The following MYO1D variants were observed in gnomAD, a reference collection of about 807,000 sequenced individuals.
The protein encoded by MYO1D is unconventional myosin-Id.
In MYO1D, 83 loss-of-function variants were observed where a neutral mutation model predicts 122.0. That is an observed-to-expected ratio of 0.68 (90% confidence interval 0.57 to 0.82). The LOEUF is 0.82. MYO1D is among the 40% of genes least tolerant of loss of function. The pLI, the probability that MYO1D is intolerant of heterozygous loss-of-function variation, is 0.00. For missense variants in MYO1D, 1,157 were observed against 1,269.5 expected, an observed-to-expected ratio of 0.91 and a Z score of 1.35; for synonymous variants, 464 against 446.9, an observed-to-expected ratio of 1.04 and a Z score of -0.48.
chr17:32,667,587 C>T (rs1345774733), intron 16 of MYO1D, among the ~76,000 whole-genome samples: 2 of 152,126 alleles, frequency 1.3e-5, no homozygotes, highest in Non-Finnish European at 2.9e-5. Flanking sequence ...GCCACACACA[C>T]ACAAAAAGTA....
intron 1 of MYO1D, among the ~76,000 whole-genome samples, chr17:32,834,771 C>T (rs1598141291): frequency 6.6e-6 from 1 of 152,308 alleles, no homozygotes; most frequent in South Asian, 2.1e-4. Flanking sequence ...CCCAGCACTT[C>T]GGAAGGCCGA....
At chr17:32,611,462 G>C (rs2087701200) in intron 20 of MYO1D, among the ~76,000 whole-genome samples, 1 of 143,788 alleles carries the variant, frequency 7.0e-6, no homozygotes, top group African/African-American at 2.7e-5. Context: ...GTAGAATAAA[G>C]GAAAAAATCT....
At chr17:32,777,625 A>C (rs1191238898) in intron 3 of MYO1D, among the ~76,000 whole-genome samples, 1 of 152,188 alleles carries the variant, frequency 6.6e-6, no homozygotes, top group African/African-American at 2.4e-5. Context: ...GCAATAGCAC[A>C]GTATGGCATG....
At chr17:32,761,233 C>T (rs540438930) in intron 8 of MYO1D, among the ~76,000 whole-genome samples, 1 of 152,248 alleles carries the variant, frequency 6.6e-6, no homozygotes, top group East Asian at 1.9e-4. Context: ...AGAAAACCTT[C>T]CTTAACGTCT....
chr17:32,507,255 C>A (rs1009097701), intron 21 of MYO1D, among the ~76,000 whole-genome samples: 17 of 150,048 alleles, frequency 1.1e-4, no homozygotes, highest in Non-Finnish European at 1.3e-4. Flanking sequence ...AAAAAAAAAA[C>A]TAGCCAGGTG....
chr17:32,670,430 T>C (rs147543650), intron 16 of MYO1D, among the ~76,000 whole-genome samples: 375 of 152,192 alleles, frequency 2.5e-3, no homozygotes, highest in African/African-American at 8.6e-3. Context: ...TATACACATA[T>C]ACAGATTGAG....
chr17:32,854,412 AC>A (rs1362113280), intron 1 of MYO1D, among the ~76,000 whole-genome samples: 1 of 152,268 alleles, frequency 6.6e-6, no homozygotes, highest in Non-Finnish European at 1.5e-5. Flanking sequence ...GCAAAGTTCC[AC>A]CTGAAATAAA....
At chr17:32,740,408 T>C (rs1020065680) in intron 13 of MYO1D, among the ~76,000 whole-genome samples, 1 of 152,200 alleles carries the variant, frequency 6.6e-6, no homozygotes, top group African/African-American at 2.4e-5. Context: ...GCAGAATTGA[T>C]ACAAAATGAA....
At chr17:32,661,813 A>G (rs1178294531) in intron 16 of MYO1D, among the ~76,000 whole-genome samples, 4 of 152,170 alleles carry the variant, frequency 2.6e-5, no homozygotes, top group Non-Finnish European at 4.4e-5. Context: ...GTATGTTTAC[A>G]TTACCTATAT....
intron 1 of MYO1D, among the ~76,000 whole-genome samples, chr17:32,789,983 T>G: frequency 6.6e-6 from 1 of 152,326 alleles, no homozygotes; most frequent in East Asian, 1.9e-4. Flanking sequence ...CTAGTTATAC[T>G]AAAATAAATT....
At chr17:32,797,157 G>A (rs552774556) in intron 1 of MYO1D, among the ~76,000 whole-genome samples, 2 of 152,208 alleles carry the variant, frequency 1.3e-5, no homozygotes, top group East Asian at 3.9e-4. Flanking sequence ...TTTTAGTAGA[G>A]ATGGGGTTTC....
chr17:32,596,021 C>A (rs187169753), intron 21 of MYO1D, among the ~76,000 whole-genome samples: 4 of 152,158 alleles, frequency 2.6e-5, no homozygotes, highest in African/African-American at 9.7e-5. Context: ...GGTGTCCTTG[C>A]TTCCTGTGTT....
intron 21 of MYO1D, among the ~76,000 whole-genome samples, chr17:32,503,812 G>A (rs1909404934): frequency 6.6e-6 from 1 of 152,218 alleles, no homozygotes; most frequent in Non-Finnish European, 1.5e-5. Context: ...CATGACTGCA[G>A]CTGTTTACTC....
chr17:32,763,048 T>C (rs943348321), intron 8 of MYO1D, among the ~76,000 whole-genome samples: 4 of 151,576 alleles, frequency 2.6e-5, no homozygotes, highest in African/African-American at 9.7e-5. Context: ...TAGCTGGGCG[T>C]GGTGGCGGTC....
At chr17:32,640,815 T>C (rs1242442276) in intron 19 of MYO1D, among the ~76,000 whole-genome samples, 7 of 151,968 alleles carry the variant, frequency 4.6e-5, no homozygotes, top group Non-Finnish European at 8.8e-5. Context: ...TTTGTGAAAG[T>C]AAGGGTCCAT....
chr17:32,533,226 T>C (rs1038024102), intron 21 of MYO1D, among the ~76,000 whole-genome samples: 2 of 152,180 alleles, frequency 1.3e-5, no homozygotes, highest in African/African-American at 2.4e-5. Context: ...CCATTTTAAT[T>C]CCAAACCTTA....
chr17:32,712,022 T>C lies in MYO1D; in HGVS notation c.2087A>G (p.Gln696Arg). The C allele has an allele frequency of 1.9e-6, 3 of 1,614,146 alleles. No homozygotes were observed. Among genetic ancestry groups the C allele is most frequent in the Non-Finnish European group, 1.7e-6 (2 of 1,180,010 alleles). Residue 696 changes from glutamine (Q) to arginine (R), a missense_variant, in exon 16 of 22, where the codon CAG becomes CGG. By Grantham distance (43) the Gln-to-Arg change is conservative. Transcript: ENST00000318217. Reference protein sequence around the residue: ...TLFTLEELRAQMLIRIVLFLQ... With the variant: ...TLFTLEELRARMLIRIVLFLQ... ...AAAGAGGACAATCCTTATGAGCATC[T>C]GGGCACGGAGTTCTTCCAAGGTAAA...
chr17:32,575,399 T>G (rs550458841), intron 21 of MYO1D, among the ~76,000 whole-genome samples: 40 of 152,348 alleles, frequency 2.6e-4, no homozygotes, highest in South Asian at 1.0e-3. Context: ...GATGAAAATT[T>G]TGAAAGAGTA....
chr17:32,661,109 T>G (rs2088558987), intron 16 of MYO1D, among the ~76,000 whole-genome samples: 1 of 152,242 alleles, frequency 6.6e-6, no homozygotes, highest in Non-Finnish European at 1.5e-5. Flanking sequence ...AAGTAAGTAC[T>G]TTTTAAGCAG....
Sources: gnomAD v4.1 joint callset for allele counts (sites outside exome capture counted in the v4.1 genomes callset) on GRCh38, gnomAD v4.1.1 for gene constraint, MANE v1.5 for transcripts, NCBI Gene and HGNC (gene_info 2026-07-23, HGNC 2026-07-21) for gene names.